Variants in ABR observed in about 807,000 individuals in gnomAD.
ABR encodes the protein active breakpoint cluster region-related protein.
ABR carries 35 observed loss-of-function variants against 107.2 expected under a neutral mutation model. The ratio of observed to expected loss-of-function variants is 0.33; its 90% CI spans 0.25 to 0.43. The LOEUF (loss-of-function observed/expected upper bound fraction) is 0.43, where lower values mean the gene tolerates loss of function less well. Ranked by LOEUF, ABR falls within the 20% of genes least tolerant of loss-of-function variation. The probability of loss-of-function intolerance (pLI) is 1.00; values close to 1 mark genes in which losing one functional copy is unlikely to be tolerated. For synonymous variants in ABR, 498 were observed against 462.0 expected, an observed-to-expected ratio of 1.08 and a Z score of -1.00; for missense variants, 815 against 1,115.2, an observed-to-expected ratio of 0.73 and a Z score of 3.83.
At chr17:1,095,697 C>G (rs568614898) in intron 3 of ABR, among the ~76,000 whole-genome samples, 177 of 152,242 alleles carry the variant, frequency 1.2e-3, no homozygotes, top group Non-Finnish European at 1.8e-3. Flanking sequence ...CCAGCTGCTT[C>G]TCAGGAAGAC....
At chr17:1,049,671 C>A (rs543738801) in intron 16 of ABR, among the ~76,000 whole-genome samples, 1 of 152,290 alleles carries the variant, frequency 6.6e-6, no homozygotes, top group South Asian at 2.1e-4. Flanking sequence ...TCCGGTCCCC[C>A]GTCAATGGCA....
At chr17:1,013,055 A>G (rs776215842) in intron 17 of ABR, 50 bp downstream of exon 17, 18 of 1,603,678 alleles carry the variant, frequency 1.1e-5, no homozygotes, top group Middle Eastern at 1.8e-4. Flanking sequence ...TGCTGCACAG[A>G]CGTTCCACCT....
At chr17:1,151,557 C>G (rs1466309916) in intron 1 of ABR, among the ~76,000 whole-genome samples, 1 of 152,238 alleles carries the variant, frequency 6.6e-6, no homozygotes, top group Non-Finnish European at 1.5e-5. Flanking sequence ...AAGCCGCGTT[C>G]TTCCCTGCGG....
intron 16 of ABR, among the ~76,000 whole-genome samples, chr17:1,044,616 A>G (rs733790): frequency 6.7e-6 from 1 of 149,956 alleles, no homozygotes; most frequent in East Asian, 2.0e-4. Flanking sequence ...GCGCCATTGC[A>G]CTCCAGCCTG....
chr17:1,016,988 G>A (rs1485367956), intron 16 of ABR, among the ~76,000 whole-genome samples: 5 of 152,008 alleles, frequency 3.3e-5, no homozygotes, highest in Non-Finnish European at 5.9e-5. Flanking sequence ...CCCACACACC[G>A]GCTGGGGGCA....
chr17:1,098,261 A>G (rs2037616444), intron 3 of ABR, among the ~76,000 whole-genome samples: 1 of 151,954 alleles, frequency 6.6e-6, no homozygotes, highest in Non-Finnish European at 1.5e-5. Context: ...CTTTTTTAGT[A>G]GAGACGGGGT....
intron 16 of ABR, among the ~76,000 whole-genome samples, chr17:1,021,236 C>T (rs1015033594): frequency 6.6e-6 from 1 of 152,168 alleles, no homozygotes; most frequent in Non-Finnish European, 1.5e-5. Context: ...CACTGGACGA[C>T]GGGAATCTGA....
Position 1,022,318 on chromosome 17 carries a change from G to A in ABR, c.1792-9154C>T, listed in dbSNP as rs570793166. Among the ~76,000 whole-genome samples the A allele has an allele frequency of 7.3e-4, 111 of 152,192 alleles. 1 individual carries two copies. The highest frequency in any genetic ancestry group is 1.3e-3 in the Non-Finnish European group (87 of 67,978). On this transcript the variant is annotated intron_variant, in intron 16 of 22. Transcript: ENST00000302538. ...AGGCCAGCGGCCACGGTGGCAGCCC[G>A]GGCTGGCTTTCCCCTGCCCTCCCCC... is the stretch of plus-strand genomic sequence containing the variant.
chr17:1,108,167 G>C (rs1339452056), intron 2 of ABR, among the ~76,000 whole-genome samples: 1 of 152,268 alleles, frequency 6.6e-6, no homozygotes, highest in Non-Finnish European at 1.5e-5. Flanking sequence ...AAAGGCTGAG[G>C]TGGAAGCTCT....
At chr17:1,227,963 G>A (rs1380788624) in intron 1 of ABR, among the ~76,000 whole-genome samples, 1 of 152,184 alleles carries the variant, frequency 6.6e-6, no homozygotes, top group Non-Finnish European at 1.5e-5. Flanking sequence ...ACTAAGATCA[G>A]GCCCTGTCCT....
At chr17:1,099,097 A>G (rs1423185278) in intron 3 of ABR, among the ~76,000 whole-genome samples, 1 of 149,882 alleles carries the variant, frequency 6.7e-6, no homozygotes, top group Non-Finnish European at 1.5e-5. Context: ...TTTTTTTTTG[A>G]GGAATTTCAC....
Position 1,011,005 on chromosome 17 carries a change from C to A in ABR, c.2102-142G>T. The A allele has an allele frequency of 8.9e-7, 1 of 1,126,916 alleles. No individual in the cohort carries two copies. Among genetic ancestry groups the A allele is most frequent in the Non-Finnish European group, 1.3e-6 (1 of 788,912 alleles). The allele number at this position is 1,126,916 out of a possible 1,614,324, so 69.8% of individuals were successfully genotyped here. Reference sequence around the variant, plus strand: ...AAGAGCAGGATGTAGAGAGGGCCCACAGGTGTCTGTGACTCGGCTCTGTGG... The same window carrying A: ...AAGAGCAGGATGTAGAGAGGGCCCAAAGGTGTCTGTGACTCGGCTCTGTGG... On this transcript the variant is annotated intron_variant, in intron 19 of 22. Transcript: ENST00000302538. This position sits in a 1 kb window ranked among gnomAD's most constrained non-coding sequence, Gnocchi z 4.8.
intron 1 of ABR, among the ~76,000 whole-genome samples, chr17:1,177,713 A>T (rs898363177): frequency 1.3e-5 from 2 of 152,178 alleles, no homozygotes; most frequent in African/African-American, 4.8e-5. Flanking sequence ...GGGTTTTGCA[A>T]AGAGCCAGAA....
intron 1 of ABR, among the ~76,000 whole-genome samples, chr17:1,203,640 C>T (rs1444868046): frequency 1.3e-5 from 2 of 152,116 alleles, no homozygotes; most frequent in Admixed American, 6.5e-5. Flanking sequence ...AGGAGCCCGG[C>T]GAGTGTTCGG....
rs2073215034 is a variant in ABR, at chr17:1,036,790, TA to T, written c.1791+13259del. 3.9e-5 allele frequency among the ~76,000 whole-genome samples: 6 copies of T among 152,224 alleles called. No individual in the cohort carries two copies. In the South Asian group the frequency reaches 1.2e-3, roughly 32 times the overall value. On this transcript the variant is annotated intron_variant, in intron 16 of 22. Coordinates refer to ENST00000302538, the MANE Select transcript of ABR (RefSeq NM_021962.5). ...TTCTGACCATTTCCTGTACCGACCC[TA>T]ACCAAAACCTGCGGACTGGAAGGCC...
chr17:1,085,743 C>T (rs1258966545), intron 4 of ABR, among the ~76,000 whole-genome samples: 2 of 152,102 alleles, frequency 1.3e-5, no homozygotes, highest in Non-Finnish European at 2.9e-5. Flanking sequence ...TAAATTACCT[C>T]GTTAATTTTT....
chr17:1,024,946 C>G (rs1156685746), intron 16 of ABR, among the ~76,000 whole-genome samples: 2 of 151,556 alleles, frequency 1.3e-5, no homozygotes, highest in African/African-American at 4.8e-5. Flanking sequence ...ACGGTGAAAC[C>G]CCGTCTCTAC....
chr17:1,191,354 C>CTTTTTTTT (rs761910557), upstream of ABR, among the ~76,000 whole-genome samples: 165 of 96,460 alleles, frequency 1.7e-3, no homozygotes, highest in Non-Finnish European at 2.4e-3. Flanking sequence ...TTTTTCTTTT[C>CTTTTTTTT]TTTTTTTTTT....
At chr17:1,023,174 A>G (rs12943000) in intron 16 of ABR, among the ~76,000 whole-genome samples, 5 of 143,660 alleles carry the variant, frequency 3.5e-5, no homozygotes, top group South Asian at 2.2e-4. Context: ...CCCCACGTCC[A>G]CTCCAGCGCC....
Sources: gnomAD v4.1 joint callset for allele counts (sites outside exome capture counted in the v4.1 genomes callset) on GRCh38, gnomAD v4.1.1 for gene constraint, Gnocchi (gnomAD v3.1) non-coding constraint, MANE v1.5 for transcripts, NCBI Gene and HGNC (gene_info 2026-07-23, HGNC 2026-07-21) for gene names.